Variants in GUCY2C observed in about 807,000 individuals in gnomAD.
GUCY2C encodes the protein guanylyl cyclase C.
In GUCY2C, 118 loss-of-function variants were observed where a neutral mutation model predicts 131.1. That is an observed-to-expected ratio of 0.90 (90% CI 0.78 to 1.05). The LOEUF is 1.05. Ranked by LOEUF, GUCY2C falls within the 50% of genes least tolerant of loss-of-function variation. The pLI is 0.00. For missense variants in GUCY2C, 1,161 were observed against 1,304.4 expected, an observed-to-expected ratio of 0.89 and a Z score of 1.69; for synonymous variants, 452 against 457.8, an observed-to-expected ratio of 0.99 and a Z score of 0.16.
chr12:14,646,391 C>G (rs1947523955), intron 15 of GUCY2C, among the ~76,000 whole-genome samples: 1 of 152,072 alleles, frequency 6.6e-6, no homozygotes, highest in Non-Finnish European at 1.5e-5. Flanking sequence ...GCTGTGGGTA[C>G]CAGGCCAAGT....
At chr12:14,696,096 C>T (rs1268637406) in intron 1 of GUCY2C, 136 bp downstream of exon 1, 1 of 688,168 alleles carries the variant, frequency 1.5e-6, no homozygotes, top group Non-Finnish European at 2.6e-6. Context: ...GAGCTACTGT[C>T]ATGAAATAGA....
chr12:14,684,583 T>A, intron 3 of GUCY2C, among the ~76,000 whole-genome samples: 1 of 3,330 alleles, frequency 3.0e-4, no homozygotes, highest in Non-Finnish European at 1.4e-3. Flanking sequence ...CTTCCTTCCT[T>A]CCTTCCTTCC....
At chr12:14,646,552 C>A (rs1244968217) in intron 15 of GUCY2C, among the ~76,000 whole-genome samples, 1 of 151,930 alleles carries the variant, frequency 6.6e-6, no homozygotes, top group Non-Finnish European at 1.5e-5. Context: ...TACAAGTTTA[C>A]TATAAAAAAT....
At chr12:14,647,229 T>C (rs1947540414) in intron 15 of GUCY2C, among the ~76,000 whole-genome samples, 1 of 152,200 alleles carries the variant, frequency 6.6e-6, no homozygotes. Flanking sequence ...GTTCATGAGC[T>C]GTCACTACAC....
chr12:14,653,575 A>G (rs912604663), intron 12 of GUCY2C, among the ~76,000 whole-genome samples: 1 of 152,246 alleles, frequency 6.6e-6, no homozygotes, highest in African/African-American at 2.4e-5. Context: ...TAAAATGTCA[A>G]ATATTGAACA....
chr12:14,652,942 G>A lies in GUCY2C; in HGVS notation c.1533+10C>T. The stretch of plus-strand genomic sequence containing the variant: ...CCCAGTGGAGAGTTCAGAGAAGTGG[G>A]AGAGGTCACCTTTTTGTCGTATTTG... On this transcript the variant is annotated intron_variant, in intron 13 of 26. Transcript: ENST00000261170. 1 of 1,584,390 alleles carries A rather than the reference G, an allele frequency of 6.3e-7. No individual in the cohort carries two copies. The highest frequency in any genetic ancestry group is 8.7e-7 in the Non-Finnish European group (1 of 1,152,804).
chr12:14,652,685 A>G (rs1439301728), intron 13 of GUCY2C, among the ~76,000 whole-genome samples: 1 of 152,070 alleles, frequency 6.6e-6, no homozygotes, highest in Non-Finnish European at 1.5e-5. Context: ...GCCCTGGACT[A>G]CTCTGAATAT....
chr12:14,641,037 G>A (rs765855590), intron 18 of GUCY2C, 45 bp downstream of exon 18: 1 of 1,593,618 alleles, frequency 6.3e-7, no homozygotes, highest in Non-Finnish European at 8.6e-7. Flanking sequence ...TAGAAAGCAG[G>A]TTGGCTCACT....
At chr12:14,629,700 C>T (rs567146594) in intron 19 of GUCY2C, among the ~76,000 whole-genome samples, 11 of 152,280 alleles carry the variant, frequency 7.2e-5, no homozygotes, top group Admixed American at 1.3e-4. Context: ...CAAATGGCTC[C>T]AAATGGAATA....
chr12:14,688,060 A>C lies in GUCY2C; in HGVS notation c.221T>G (p.Leu74Arg). 1 of 1,596,054 alleles carries C rather than the reference A, an allele frequency of 6.3e-7. No homozygotes were observed. The highest frequency in any genetic ancestry group is 1.7e-4 in the Middle Eastern group (1 of 6,020). Residue 74 changes from leucine to arginine, a missense_variant, in exon 2 of 27, where the codon CTA becomes CGA. Coordinates refer to ENST00000261170, the MANE Select transcript of GUCY2C (RefSeq NM_004963.4). Reference sequence around the variant, plus strand: ...GAAAGTAGCGTTCACAGTCACATTTAGGCCTGTCGCCCAGAGATGAGGGAA... The same window carrying C: ...GAAAGTAGCGTTCACAGTCACATTTCGGCCTGTCGCCCAGAGATGAGGGAA... Reference protein sequence around the residue: ...IVRGRLQNAGLNVTVNATFMY... With the variant: ...IVRGRLQNAGRNVTVNATFMY...
At chr12:14,671,730 CCT>C in intron 9 of GUCY2C, among the ~76,000 whole-genome samples, 1 of 152,168 alleles carries the variant, frequency 6.6e-6, no homozygotes, top group East Asian at 1.9e-4. Flanking sequence ...CACGTTTCTG[CCT>C]CTCTCTGTGA....
intron 15 of GUCY2C, among the ~76,000 whole-genome samples, chr12:14,650,234 T>C (rs973458453): frequency 2.0e-5 from 3 of 152,022 alleles, no homozygotes; most frequent in African/African-American, 7.2e-5. Context: ...ACTTCAATTG[T>C]TTATTATTAT....
intron 1 of GUCY2C, among the ~76,000 whole-genome samples, chr12:14,695,115 C>T (rs1948633703): frequency 6.6e-6 from 1 of 152,044 alleles, no homozygotes; most frequent in South Asian, 2.1e-4. Context: ...AGGAAAGTCA[C>T]TTGTGCAATA....
intron 10 of GUCY2C, among the ~76,000 whole-genome samples, chr12:14,667,459 C>T (rs1360357939): frequency 2.0e-5 from 3 of 152,182 alleles, no homozygotes; most frequent in African/African-American, 4.8e-5. Context: ...TTCATTCCCC[C>T]CTCCCTCATT....
intron 12 of GUCY2C, among the ~76,000 whole-genome samples, chr12:14,655,330 T>A (rs1223265630): frequency 6.6e-6 from 1 of 152,218 alleles, no homozygotes; most frequent in East Asian, 1.9e-4. Flanking sequence ...ATTGATTTCA[T>A]CCTGACACTT....
chr12:14,647,581 A>C (rs1371561499), intron 15 of GUCY2C, among the ~76,000 whole-genome samples: 1 of 152,174 alleles, frequency 6.6e-6, no homozygotes, highest in Non-Finnish European at 1.5e-5. Flanking sequence ...CAAATTCTTG[A>C]ATAACTTAAC....
chr12:14,643,821 A>C, intron 16 of GUCY2C, 115 bp from the exon 17 acceptor site: 1 of 863,448 alleles, frequency 1.2e-6, no homozygotes, highest in Non-Finnish European at 1.8e-6. Context: ...ACACCATCAG[A>C]TTTTAATTTT....
intron 1 of GUCY2C, among the ~76,000 whole-genome samples, chr12:14,694,205 C>G (rs1349995648): frequency 6.6e-6 from 1 of 152,152 alleles, no homozygotes; most frequent in Non-Finnish European, 1.5e-5. Context: ...GAAAATAAAT[C>G]AAGATCTGTC....
At chr12:14,675,669 T>G (rs1349477097) in intron 7 of GUCY2C, among the ~76,000 whole-genome samples, 1 of 152,164 alleles carries the variant, frequency 6.6e-6, no homozygotes, top group Admixed American at 6.5e-5. Flanking sequence ...CTGCTGTGCC[T>G]CAGCAGCTGG....
Sources: gnomAD v4.1 joint callset for allele counts (sites outside exome capture counted in the v4.1 genomes callset) on GRCh38, gnomAD v4.1.1 for gene constraint, MANE v1.5 for transcripts, NCBI Gene and HGNC (gene_info 2026-07-23, HGNC 2026-07-21) for gene names.